GRAMD2B: variants seen among roughly 807,000 people sequenced by gnomAD.
GRAMD2B encodes the protein GRAM domain containing 2B.
GRAMD2B carries 41 observed loss-of-function variants against 59.2 expected under a neutral mutation model. That is an observed-to-expected ratio of 0.69 (90% CI 0.54 to 0.90). The LOEUF (loss-of-function observed/expected upper bound fraction) is 0.90. Ranked by LOEUF, GRAMD2B falls within the 40% of genes least tolerant of loss-of-function variation. GRAMD2B has a pLI of 0.00. For synonymous variants in GRAMD2B, 161 were observed against 182.7 expected, an observed-to-expected ratio of 0.88 and a Z score of 0.96; for missense variants, 424 against 500.5, an observed-to-expected ratio of 0.85 and a Z score of 1.46.
At chr5:126,450,715 G>T (rs767575722) in intron 1 of GRAMD2B, among the ~76,000 whole-genome samples, 1 of 150,116 alleles carries the variant, frequency 6.7e-6, no homozygotes, top group African/African-American at 2.5e-5. Flanking sequence ...TGGCTCTAGC[G>T]TCAGCTCAAA....
At chr5:126,378,345 TCAGA>T (rs1234415224) in intron 1 of GRAMD2B, among the ~76,000 whole-genome samples, 1 of 152,252 alleles carries the variant, frequency 6.6e-6, no homozygotes, top group Non-Finnish European at 1.5e-5. Context: ...GTAGAATATG[TCAGA>T]CAGTTAGTTC....
intron 1 of GRAMD2B, among the ~76,000 whole-genome samples, chr5:126,409,192 G>T (rs984832154): frequency 3.3e-5 from 5 of 151,994 alleles, no homozygotes; most frequent in African/African-American, 9.7e-5. Flanking sequence ...TAGTCCTTTG[G>T]GTATACACCC....
At chr5:126,480,990 T>C (rs964490891) in intron 8 of GRAMD2B, 8 of 453,270 alleles carry the variant, frequency 1.8e-5, no homozygotes, top group Non-Finnish European at 2.8e-5. Flanking sequence ...TCTTGCTCTG[T>C]TTGCTTGTCA....
intron 1 of GRAMD2B, among the ~76,000 whole-genome samples, chr5:126,376,457 T>C (rs550925522): frequency 1.1e-4 from 17 of 152,320 alleles, no homozygotes; most frequent in African/African-American, 4.1e-4. Flanking sequence ...CACCAGTGGG[T>C]AGGAAAGAAA....
intron 1 of GRAMD2B, 127 bp from the exon 2 acceptor site, chr5:126,465,299 G>A: frequency 6.5e-7 from 1 of 1,532,210 alleles, no homozygotes; most frequent in Non-Finnish European, 8.7e-7. Context: ...CGCTGTCAAA[G>A]TTAACTAGCC....
chr5:126,386,510 G>C (rs1756151188), intron 1 of GRAMD2B, among the ~76,000 whole-genome samples: 1 of 152,196 alleles, frequency 6.6e-6, no homozygotes, highest in Admixed American at 6.5e-5. Context: ...GGTAGCTCTG[G>C]CTCAGGGACT....
At chr5:126,383,045 C>A (rs1035548348) in intron 1 of GRAMD2B, among the ~76,000 whole-genome samples, 24 of 152,192 alleles carry the variant, frequency 1.6e-4, no homozygotes, top group African/African-American at 5.3e-4. Context: ...GTGTTGTGAT[C>A]CGTCTTCAGG....
At position 126,484,491 on chromosome 5, in the gene GRAMD2B, C is replaced by G. The variant is rs778903024; in HGVS notation, c.937C>G (p.Pro313Ala). ...GGCAGATGCCCATGTGAACAGAGTA[C>G]CTGAAGGAAAAGCCAAGAGTCTCCC... is the stretch of plus-strand genomic sequence containing the variant. ...TRADAHVNRV[P>A]EGKAKSLPVQ... The change falls in exon 10 of 14, where the codon CCT becomes GCT. Residue 313 changes from proline to alanine, a missense_variant. Coordinates refer to ENST00000285689, the MANE Select transcript of GRAMD2B (RefSeq NM_023927.4). 1 of 1,613,914 alleles carries G rather than the reference C, an allele frequency of 6.2e-7. No homozygotes were observed. The highest frequency in any genetic ancestry group is 8.5e-7 in the Non-Finnish European group (1 of 1,179,942).
chr5:126,404,678 C>T (rs1306196913), intron 1 of GRAMD2B, among the ~76,000 whole-genome samples: 1 of 151,728 alleles, frequency 6.6e-6, no homozygotes, highest in Non-Finnish European at 1.5e-5. Context: ...CTGGGAAAAC[C>T]AAATTCATCC....
intron 1 of GRAMD2B, among the ~76,000 whole-genome samples, chr5:126,463,050 C>G (rs1767658260): frequency 6.6e-6 from 1 of 152,212 alleles, no homozygotes; most frequent in South Asian, 2.1e-4. Context: ...GCACTGCACA[C>G]AAATGCCTGA....
At chr5:126,362,764 G>A (rs1754275623) in intron 1 of GRAMD2B, among the ~76,000 whole-genome samples, 1 of 152,142 alleles carries the variant, frequency 6.6e-6, no homozygotes. Flanking sequence ...CAACAATAGT[G>A]CCAGGACAAT....
chr5:126,472,999 G>C (rs894490725), intron 4 of GRAMD2B, among the ~76,000 whole-genome samples: 1 of 152,340 alleles, frequency 6.6e-6, no homozygotes, highest in East Asian at 1.9e-4. Context: ...GAGGAGACTT[G>C]TAAGACCCCA....
intron 1 of GRAMD2B, among the ~76,000 whole-genome samples, chr5:126,415,225 G>A (rs964917811): frequency 3.9e-5 from 6 of 152,172 alleles, no homozygotes; most frequent in African/African-American, 7.2e-5. Context: ...AAAAGAACAC[G>A]AAGCATCAAA....
intron 1 of GRAMD2B, among the ~76,000 whole-genome samples, chr5:126,454,845 T>TG (rs1181902011): frequency 6.6e-6 from 1 of 152,226 alleles, no homozygotes; most frequent in East Asian, 1.9e-4. Context: ...ACCCCTCCTC[T>TG]GCAAAATCTG....
At chr5:126,460,424 G>A (rs1021336703) in intron 1 of GRAMD2B, among the ~76,000 whole-genome samples, 13 of 152,208 alleles carry the variant, frequency 8.5e-5, no homozygotes. Context: ...ATATGTATCA[G>A]AATTGTAAAT....
chr5:126,488,958 G>A (rs1268436814), intron 13 of GRAMD2B, 66 bp downstream of exon 13: 2 of 1,149,434 alleles, frequency 1.7e-6, no homozygotes, highest in Non-Finnish European at 2.6e-6. Flanking sequence ...CCTAGGTCAG[G>A]TCAGGGATTA....
rs138010522 is a variant in GRAMD2B at position 126,376,109 on chromosome 5, C to A, written c.125+4542C>A. Among the ~76,000 whole-genome samples, 1,146 of 152,244 alleles carry A rather than the reference C, an allele frequency of 7.5e-3. 19 individuals carry two copies. Among genetic ancestry groups the A allele is most frequent in the African/African-American group, 0.026 (1,095 of 41,532 alleles). On this transcript the variant is annotated intron_variant, in intron 1 of 8. Transcript: ENST00000506445. ...CTCCGGAAATTTAAGAAATCAAAAACCTCTATTGGATCAAGAAGCTTTTGG... is the reference window on the plus strand; with the variant it reads ...CTCCGGAAATTTAAGAAATCAAAAAACTCTATTGGATCAAGAAGCTTTTGG...
chr5:126,454,876 C>T (rs1318741685), intron 1 of GRAMD2B, among the ~76,000 whole-genome samples: 2 of 152,180 alleles, frequency 1.3e-5, no homozygotes, highest in Non-Finnish European at 2.9e-5. Flanking sequence ...TATTGTTGAC[C>T]TATTTGGGGC....
At chr5:126,440,102 T>C (rs900783469) in intron 1 of GRAMD2B, among the ~76,000 whole-genome samples, 1 of 152,190 alleles carries the variant, frequency 6.6e-6, no homozygotes, top group Admixed American at 6.5e-5. Context: ...TTACCTTTCT[T>C]AATTAACAAT....
Sources: gnomAD v4.1 joint callset for allele counts (sites outside exome capture counted in the v4.1 genomes callset) on GRCh38, gnomAD v4.1.1 for gene constraint, MANE v1.5 for transcripts, NCBI Gene and HGNC (gene_info 2026-07-23, HGNC 2026-07-21) for gene names.